The following KALRN variants were observed in gnomAD, a reference collection of about 807,000 sequenced individuals.
KALRN encodes the protein kalirin.
KALRN carries 70 observed loss-of-function variants against 353.7 expected under a neutral mutation model. The ratio of observed to expected loss-of-function variants is 0.20; its 90% CI spans 0.16 to 0.24. The LOEUF is 0.24. Ranked by LOEUF, KALRN falls within the 10% of genes least tolerant of loss-of-function variation. KALRN has a pLI of 1.00. For synonymous variants in KALRN, 1,391 were observed against 1,434.8 expected, an observed-to-expected ratio of 0.97 and a Z score of 0.69; for missense variants, 2,791 against 3,756.7, an observed-to-expected ratio of 0.74 and a Z score of 6.72.
At chr3:124,434,581 T>C in intron 17 of KALRN, 56 bp downstream of exon 17, 1 of 1,529,334 alleles carries the variant, frequency 6.5e-7, no homozygotes, top group Non-Finnish European at 9.0e-7. Context: ...GGCCATTTTC[T>C]GCCTTGCAGT....
intron 3 of KALRN, among the ~76,000 whole-genome samples, chr3:124,262,655 C>G (rs111469365): frequency 6.6e-6 from 1 of 152,132 alleles, no homozygotes; most frequent in African/African-American, 2.4e-5. Context: ...AAGTAAGCTG[C>G]CTTGTGCTTG....
chr3:124,422,505 G>T (rs2092825837), intron 14 of KALRN, among the ~76,000 whole-genome samples: 1 of 152,118 alleles, frequency 6.6e-6, no homozygotes, highest in East Asian at 1.9e-4. Flanking sequence ...TCCCCCAGCA[G>T]GAATTGCTGG....
chr3:124,405,143 A>C (rs1232659861), intron 13 of KALRN, among the ~76,000 whole-genome samples: 33 of 152,196 alleles, frequency 2.2e-4, no homozygotes, highest in Admixed American at 2.1e-3. Context: ...AGACTTTTTG[A>C]CAAATTAATT....
chr3:124,502,026 A>G (rs2064634573), intron 33 of KALRN, among the ~76,000 whole-genome samples: 1 of 152,256 alleles, frequency 6.6e-6, no homozygotes, highest in African/African-American at 2.4e-5. Flanking sequence ...TAGATGTAAG[A>G]CATTATTTTC....
chr3:124,642,806 G>GTTGTTTTTTGTTTTTTT (rs796628603), intron 37 of KALRN, among the ~76,000 whole-genome samples: 1 of 96,840 alleles, frequency 1.0e-5, no homozygotes, highest in East Asian at 4.7e-4. Flanking sequence ...CCCAAGCCTC[G>GTTGTTTTTTGTTTTTTT]TTTTTTTTTT....
intron 34 of KALRN, among the ~76,000 whole-genome samples, chr3:124,626,679 G>A (rs988901209): frequency 1.3e-5 from 2 of 152,166 alleles, no homozygotes; most frequent in African/African-American, 2.4e-5. Flanking sequence ...CCCTAGAATA[G>A]GCCTAGGGAT....
At chr3:124,588,720 C>A (rs1438314553) in intron 34 of KALRN, among the ~76,000 whole-genome samples, 1 of 152,130 alleles carries the variant, frequency 6.6e-6, no homozygotes, top group African/African-American at 2.4e-5. Context: ...GTCACCGTGC[C>A]CAACCAAGAG....
intron 6 of KALRN, among the ~76,000 whole-genome samples, chr3:124,315,277 T>G (rs1229763275): frequency 1.3e-5 from 2 of 152,194 alleles, no homozygotes; most frequent in Non-Finnish European, 2.9e-5. Flanking sequence ...TCAGCCATGT[T>G]TGGGGATTGG....
intron 1 of KALRN, among the ~76,000 whole-genome samples, chr3:124,106,693 T>A (rs920444056): frequency 6.6e-6 from 1 of 152,162 alleles, no homozygotes; most frequent in Non-Finnish European, 1.5e-5. Context: ...ATGAGGAAAC[T>A]GAGGCTCAAA....
intron 3 of KALRN, among the ~76,000 whole-genome samples, chr3:124,256,314 C>T (rs1418176630): frequency 7.9e-5 from 12 of 152,146 alleles, no homozygotes; most frequent in Admixed American, 7.9e-4. Flanking sequence ...GCACTGGTAC[C>T]CTAATTGCCC....
chr3:124,344,989 C>T (rs1289897397), intron 9 of KALRN, among the ~76,000 whole-genome samples: 7 of 152,130 alleles, frequency 4.6e-5, no homozygotes, highest in South Asian at 4.1e-4. Context: ...AAAAATATTC[C>T]TCTTCAACCA....
intron 51 of KALRN, 180 bp downstream of exon 51, chr3:124,679,697 G>C: frequency 2.9e-6 from 2 of 685,394 alleles, no homozygotes; most frequent in South Asian, 1.6e-5. Flanking sequence ...GTTCAGTGTT[G>C]GTAGAAAACT....
At chr3:124,293,537 G>A (rs964977851) in intron 5 of KALRN, among the ~76,000 whole-genome samples, 8 of 151,758 alleles carry the variant, frequency 5.3e-5, no homozygotes, top group African/African-American at 1.9e-4. Context: ...AACATTTACT[G>A]TATTAAGAAC....
chr3:124,126,952 A>G (rs187217404), intron 1 of KALRN, among the ~76,000 whole-genome samples: 1 of 152,334 alleles, frequency 6.6e-6, no homozygotes, highest in Admixed American at 6.5e-5. Context: ...GTATCTGGCC[A>G]TTATCCAAGT....
At chr3:124,453,247 C>A (rs1193871367) in intron 21 of KALRN, among the ~76,000 whole-genome samples, 2 of 152,178 alleles carry the variant, frequency 1.3e-5, no homozygotes, top group Non-Finnish European at 2.9e-5. Flanking sequence ...TTTCGGCTAT[C>A]CTCACACCTA....
chr3:124,372,506 A>G (rs1012218312), intron 10 of KALRN, among the ~76,000 whole-genome samples: 4 of 150,200 alleles, frequency 2.7e-5, no homozygotes, highest in Non-Finnish European at 4.4e-5. Flanking sequence ...TAATAGCATA[A>G]TCATTATCAT....
chr3:124,407,684 C>T (rs1394849461), intron 13 of KALRN: 1 of 152,198 alleles, frequency 6.6e-6, no homozygotes, highest in Non-Finnish European at 1.5e-5. Flanking sequence ...TAAAAATGTA[C>T]TATACTGTGC....
intron 3 of KALRN, among the ~76,000 whole-genome samples, chr3:124,248,581 C>T (rs1481573564): frequency 6.6e-6 from 1 of 152,224 alleles, no homozygotes; most frequent in South Asian, 2.1e-4. Flanking sequence ...ACTTTGTCAG[C>T]CATGGTGACT....
At chr3:124,430,635 G>A (rs752968993) in intron 15 of KALRN, 21 bp from the exon 16 acceptor site, 2 of 1,613,524 alleles carry the variant, frequency 1.2e-6, no homozygotes, top group South Asian at 1.1e-5. Context: ...ATTCACCTGT[G>A]TGCTTGTCCC....
Sources: allele counts gnomAD v4.1 joint callset (sites outside exome capture counted in the v4.1 genomes callset), GRCh38; gene constraint gnomAD v4.1.1; transcripts MANE v1.5; gene names NCBI Gene and HGNC (gene_info 2026-07-23, HGNC 2026-07-21).